The following STK33 variants were observed in gnomAD, a reference collection of about 807,000 sequenced individuals.
The protein encoded by STK33 is serine/threonine kinase 33, also known as serine/threonine-protein kinase 33.
A neutral mutation model predicts 58.0 loss-of-function variants in STK33; 52 were observed. The observed-to-expected ratio is 0.90, with a 90% CI of 0.72 to 1.13. The LOEUF (loss-of-function observed/expected upper bound fraction) is 1.13. Among genes scored for constraint, STK33 ranks in the 50% most tolerant of loss-of-function variants. The pLI, the probability that STK33 is intolerant of heterozygous loss-of-function variation, is 0.00. For synonymous variants in STK33, 215 were observed against 200.1 expected (o/e 1.07, Z -0.63); for missense variants, 630 against 604.2 (o/e 1.04, Z -0.45).
intron 1 of STK33, among the ~76,000 whole-genome samples, chr11:8,542,676 A>G (rs1955612583): frequency 6.6e-6 from 1 of 152,204 alleles, no homozygotes; most frequent in Non-Finnish European, 1.5e-5. Context: ...TGATGCAAAA[A>G]TACTTGCTGA....
the STK33 span, among the ~76,000 whole-genome samples, chr11:8,365,101 A>G: frequency 6.6e-6 from 1 of 152,268 alleles, no homozygotes; most frequent in South Asian, 2.1e-4. Flanking sequence ...TTTTACAGAT[A>G]GAAGGAAAGA....
intron 1 of STK33, among the ~76,000 whole-genome samples, chr11:8,523,506 C>A (rs961862283): frequency 3.7e-4 from 55 of 147,998 alleles, no homozygotes; most frequent in Non-Finnish European, 6.4e-4. Context: ...AAGCGAGGAG[C>A]CCCTCCGCTG....
chr11:8,363,864 C>G, the STK33 span, among the ~76,000 whole-genome samples: 3 of 152,194 alleles, frequency 2.0e-5, no homozygotes, highest in South Asian at 6.2e-4. Context: ...CAATTTTAGA[C>G]ATCAGAGACA....
In STK33 at chr11:8,446,083, G is replaced by A. The variant is rs536031717; in HGVS notation, c.872-5330C>T. On this transcript the variant is annotated intron_variant, in intron 11 of 15. Coordinates refer to ENST00000687296, the MANE Select transcript of STK33 (RefSeq NM_001352389.2). ...TTGTTATTGGTGTAGTCAGGGATTC[G>A]ACTTCTTCCTGGTTTAGTCTTGGGA... is the stretch of plus-strand genomic sequence containing the variant. Among the ~76,000 whole-genome samples, 6 of 152,092 alleles carry A rather than the reference G, an allele frequency of 3.9e-5. No homozygotes were observed. The South Asian group carries it at 1.0e-3, about 26-fold the overall frequency.
At chr11:8,546,857 C>G (rs1955960853) in intron 1 of STK33, among the ~76,000 whole-genome samples, 1 of 152,154 alleles carries the variant, frequency 6.6e-6, no homozygotes, top group East Asian at 1.9e-4. Context: ...AGGTTGATTC[C>G]ATATCTTGGC....
rs373058429 is a variant in STK33, at chr11:8,440,967, T to G, written c.872-214A>C. On this transcript the variant is annotated intron_variant, in intron 11 of 15. Coordinates refer to ENST00000687296, the MANE Select transcript of STK33 (RefSeq NM_001352389.2). ...TATCATTTAGCTTCTAATGGAACAA[T>G]GGTGTAAACTGTATAACTAAATGCA... 1.6e-3 allele frequency among the ~76,000 whole-genome samples: 244 copies of G among 152,320 alleles called. 2 individuals carry two copies. Among genetic ancestry groups the G allele is most frequent in the African/African-American group, 5.7e-3 (238 of 41,578 alleles).
chr11:8,469,016 A>ACAT (rs1454331670), intron 6 of STK33, among the ~76,000 whole-genome samples: 1 of 152,188 alleles, frequency 6.6e-6, no homozygotes, highest in Non-Finnish European at 1.5e-5. Context: ...TTGCTGGTGG[A>ACAT]GGGTCCTGCC....
At chr11:8,549,327 T>G (rs1226486850) in intron 1 of STK33, among the ~76,000 whole-genome samples, 2 of 152,222 alleles carry the variant, frequency 1.3e-5, no homozygotes, top group African/African-American at 4.8e-5. Context: ...AAATCACACT[T>G]GATTGTGCTA....
intron 1 of STK33, among the ~76,000 whole-genome samples, chr11:8,580,350 C>T (rs1351463119): frequency 6.6e-6 from 1 of 152,016 alleles, no homozygotes; most frequent in African/African-American, 2.4e-5. Context: ...TTATGTTAAA[C>T]GAAATGAGCC....
chr11:8,338,112 G>A, the STK33 span, among the ~76,000 whole-genome samples: 6 of 152,248 alleles, frequency 3.9e-5, no homozygotes, highest in East Asian at 3.9e-4. Flanking sequence ...AGTGGCACCA[G>A]TACTTAGAAT....
Position 8,457,555 on chromosome 11 carries a change from T to C in STK33, c.559-76A>G, listed in dbSNP as rs1947024337. ...TCTTTAAAATGTTATATATCACATA[T>C]ACAATCACAGTCATAATCATTAATT... is the stretch of plus-strand genomic sequence containing the variant. On this transcript the variant is annotated intron_variant, in intron 8 of 15. Coordinates refer to ENST00000687296, the MANE Select transcript of STK33 (RefSeq NM_001352389.2). 17 of 1,218,864 alleles carry C rather than the reference T, an allele frequency of 1.4e-5. No homozygotes were observed. The African/African-American group carries it at 2.2e-4, about 16-fold the overall frequency. 75.5% of individuals were successfully genotyped at this position (1,218,864 alleles called of 1,614,324 possible).
At chr11:8,581,590 T>C (rs1189967706) in intron 1 of STK33, among the ~76,000 whole-genome samples, 2 of 151,792 alleles carry the variant, frequency 1.3e-5, no homozygotes, top group African/African-American at 4.8e-5. Flanking sequence ...TTAGAGGGAG[T>C]CTTCTAAGTG....
chr11:8,463,748 A>C (rs1947845873), intron 7 of STK33, among the ~76,000 whole-genome samples: 1 of 152,198 alleles, frequency 6.6e-6, no homozygotes, highest in Non-Finnish European at 1.5e-5. Flanking sequence ...TCTCAACATC[A>C]ATATAAATAT....
intron 1 of STK33, among the ~76,000 whole-genome samples, chr11:8,556,725 A>T (rs1956766834): frequency 6.6e-6 from 1 of 152,194 alleles, no homozygotes; most frequent in Admixed American, 6.5e-5. Context: ...AATTAATTAA[A>T]GTCTATTTCC....
the STK33 span, among the ~76,000 whole-genome samples, chr11:8,369,314 T>TGTGTGTGG: frequency 6.6e-6 from 1 of 151,036 alleles, no homozygotes; most frequent in Non-Finnish European, 1.5e-5. Flanking sequence ...TGTGTGTGTG[T>TGTGTGTGG]GTGTGTGTGT....
intron 1 of STK33, among the ~76,000 whole-genome samples, chr11:8,583,797 C>T (rs543492458): frequency 3.3e-5 from 5 of 151,668 alleles, no homozygotes; most frequent in Non-Finnish European, 7.4e-5. Context: ...GTTTAGTTTC[C>T]CTGGAGATTA....
chr11:8,547,678 G>C (rs1012190295), intron 1 of STK33, among the ~76,000 whole-genome samples: 1 of 152,148 alleles, frequency 6.6e-6, no homozygotes, highest in Non-Finnish European at 1.5e-5. Context: ...GTAGGTTGTT[G>C]CTTCACTCTG....
chr11:8,471,975 G>C (rs1334600501), intron 6 of STK33, among the ~76,000 whole-genome samples: 1 of 152,064 alleles, frequency 6.6e-6, no homozygotes, highest in Non-Finnish European at 1.5e-5. Flanking sequence ...GCCCAGGCTA[G>C]AATGCAGTGG....
intron 1 of STK33, among the ~76,000 whole-genome samples, chr11:8,582,427 T>C (rs576578703): frequency 6.6e-6 from 1 of 152,340 alleles, no homozygotes; most frequent in African/African-American, 2.4e-5. Flanking sequence ...CAGCATGGCT[T>C]GGGAGGCCTC....
Sources: allele counts gnomAD v4.1 joint callset (sites outside exome capture counted in the v4.1 genomes callset), GRCh38; gene constraint gnomAD v4.1.1; transcripts MANE v1.5; gene names NCBI Gene and HGNC (gene_info 2026-07-23, HGNC 2026-07-21).